Variants in SPTLC3 observed in about 807,000 individuals in gnomAD.
SPTLC3 encodes serine palmitoyltransferase 3.
Under a neutral mutation model 59.3 loss-of-function variants are expected in SPTLC3, and 36 were observed. That is an observed-to-expected ratio of 0.61 (90% confidence interval 0.47 to 0.80). The LOEUF (loss-of-function observed/expected upper bound fraction) is 0.80. Among genes scored for constraint, SPTLC3 ranks in the 30% least tolerant of loss-of-function variants. The pLI is 0.00. For missense variants in SPTLC3, 625 were observed against 685.1 expected, an observed-to-expected ratio of 0.91 and a Z score of 0.98; for synonymous variants, 257 against 240.8, an observed-to-expected ratio of 1.07 and a Z score of -0.62.
rs113780537 is a variant in SPTLC3 at position 13,056,721 on chromosome 20, G to A, written c.303+7591G>A. Among the ~76,000 whole-genome samples the A allele has an allele frequency of 8.8e-5, 13 of 147,864 alleles. No homozygotes were observed. In the South Asian group the frequency reaches 1.7e-3, roughly 20 times the overall value. On this transcript the variant is annotated intron_variant, in intron 2 of 11. Transcript: ENST00000399002. ...CACTTTGGCCTCCCAAAGTGCCACC[G>A]CACCCAGCCCATCCTTAATCTTTTT...
At position 13,084,286 on chromosome 20, in the gene SPTLC3, A is replaced by G. The variant is rs75760751; in HGVS notation, c.608-6797A>G. Among the ~76,000 whole-genome samples, 1,213 of 152,332 alleles carry G rather than the reference A, an allele frequency of 8.0e-3. 12 individuals are homozygous for G. The highest frequency in any genetic ancestry group is 0.027 in the African/African-American group (1,133 of 41,576). ...TTTTAAGGAGAACGTGCATACATTA[A>G]TATTTCAATAAATTGTCCTATGATG... On this transcript the variant is annotated intron_variant, in intron 4 of 11. Transcript: ENST00000399002.
At chr20:13,029,241 A>G (rs895680530) in intron 1 of SPTLC3, among the ~76,000 whole-genome samples, 2 of 152,202 alleles carry the variant, frequency 1.3e-5, no homozygotes, top group Non-Finnish European at 2.9e-5. Flanking sequence ...GACTGAGTAT[A>G]GTACTCAGAA....
At chr20:13,042,087 A>G (rs929079744) in intron 1 of SPTLC3, among the ~76,000 whole-genome samples, 1 of 152,212 alleles carries the variant, frequency 6.6e-6, no homozygotes, top group Non-Finnish European at 1.5e-5. Context: ...TGGTATGTTT[A>G]GCCTTTGAGG....
At chr20:13,152,593 C>T (rs2038673875) in intron 9 of SPTLC3, among the ~76,000 whole-genome samples, 1 of 152,146 alleles carries the variant, frequency 6.6e-6, no homozygotes, top group South Asian at 2.1e-4. Context: ...GATAATTATC[C>T]CATGCTTAGA....
chr20:13,159,357 G>T (rs964894957), intron 10 of SPTLC3, among the ~76,000 whole-genome samples: 13 of 152,146 alleles, frequency 8.5e-5, no homozygotes, highest in East Asian at 3.9e-4. Flanking sequence ...TTATCCCTGT[G>T]CATCCCTGGG....
At chr20:13,092,092 G>A (rs1989242363) in intron 5 of SPTLC3, among the ~76,000 whole-genome samples, 1 of 152,190 alleles carries the variant, frequency 6.6e-6, no homozygotes, top group Non-Finnish European at 1.5e-5. Flanking sequence ...GAGAAAGTCT[G>A]CAATGTCTGT....
At chr20:13,069,037 T>C (rs1304878850) in intron 2 of SPTLC3, among the ~76,000 whole-genome samples, 1 of 152,204 alleles carries the variant, frequency 6.6e-6, no homozygotes, top group African/African-American at 2.4e-5. Context: ...TAGGTGGCCA[T>C]GACAATGCAT....
intron 1 of SPTLC3, among the ~76,000 whole-genome samples, chr20:13,039,241 A>G (rs576032762): frequency 2.1e-4 from 32 of 149,500 alleles, no homozygotes; most frequent in Admixed American, 1.9e-3. Context: ...TAATATTATT[A>G]TGAAATTTTC....
chr20:13,066,650 T>C (rs1988223083), intron 2 of SPTLC3, among the ~76,000 whole-genome samples: 1 of 152,220 alleles, frequency 6.6e-6, no homozygotes, highest in African/African-American at 2.4e-5. Flanking sequence ...TTCTGTGAAG[T>C]GTGAAACTTT....
intron 5 of SPTLC3, among the ~76,000 whole-genome samples, chr20:13,092,519 T>C (rs1415418319): frequency 6.6e-6 from 1 of 152,226 alleles, no homozygotes; most frequent in East Asian, 1.9e-4. Context: ...ATTTGAACTG[T>C]CTATCAAATG....
chr20:13,012,369 G>T (rs1460100716), intron 1 of SPTLC3, among the ~76,000 whole-genome samples: 1 of 152,152 alleles, frequency 6.6e-6, no homozygotes, highest in South Asian at 2.1e-4. Context: ...CTAACAGGTG[G>T]TTGCTTTTTT....
intron 2 of SPTLC3, among the ~76,000 whole-genome samples, chr20:13,055,890 C>T (rs1359556862): frequency 3.3e-5 from 5 of 152,000 alleles, no homozygotes; most frequent in African/African-American, 1.2e-4. Flanking sequence ...ACGAATCCCA[C>T]AAGGAGTTCC....
chr20:13,155,431 A>C lies in SPTLC3; in HGVS notation c.1415+1293A>C, dbSNP rs188842584. On this transcript the variant is annotated intron_variant, in intron 10 of 11. Transcript: ENST00000399002. The stretch of plus-strand genomic sequence containing the variant: ...AAAAGAGGTTTGGGTCTTACTTGTG[A>C]AAACTCATGGAGGGCAAGACTGAGT... Among the ~76,000 whole-genome samples, 40 of 152,334 alleles carry C rather than the reference A, an allele frequency of 2.6e-4. No homozygotes were observed. In the East Asian group the frequency reaches 7.7e-3, roughly 29 times the overall value.
chr20:13,139,405 A>T, intron 9 of SPTLC3, among the ~76,000 whole-genome samples: 1 of 152,188 alleles, frequency 6.6e-6, no homozygotes, highest in East Asian at 1.9e-4. Context: ...ATTTTTTCCT[A>T]ACATAAAGTC....
chr20:13,104,006 G>A (rs1989731749), intron 6 of SPTLC3, among the ~76,000 whole-genome samples: 1 of 152,166 alleles, frequency 6.6e-6, no homozygotes. Context: ...GCTATTATTA[G>A]GGTTTTGAAT....
At chr20:13,112,185 G>T (rs1307710641) in intron 7 of SPTLC3, among the ~76,000 whole-genome samples, 1 of 152,220 alleles carries the variant, frequency 6.6e-6, no homozygotes, top group Non-Finnish European at 1.5e-5. Flanking sequence ...ACATGGCATT[G>T]GTTGGAGGCC....
At chr20:13,164,130 T>C (rs2038950365) in intron 11 of SPTLC3, among the ~76,000 whole-genome samples, 1 of 152,258 alleles carries the variant, frequency 6.6e-6, no homozygotes, top group East Asian at 1.9e-4. Context: ...AAATGACCTT[T>C]TTTTACTTCC....
chr20:13,162,269 T>C (rs976855949), intron 11 of SPTLC3, among the ~76,000 whole-genome samples: 1 of 152,190 alleles, frequency 6.6e-6, no homozygotes, highest in Non-Finnish European at 1.5e-5. Flanking sequence ...GCAAGTTCCC[T>C]GAGATGGCAG....
intron 1 of SPTLC3, 60 bp from the exon 2 acceptor site, chr20:13,048,885 G>A (rs1368440709): frequency 1.4e-6 from 2 of 1,394,772 alleles, no homozygotes; most frequent in African/African-American, 1.5e-5. Flanking sequence ...ACAATTTTAG[G>A]TATCATAGTA....
Sources: allele counts gnomAD v4.1 joint callset (sites outside exome capture counted in the v4.1 genomes callset), GRCh38; gene constraint gnomAD v4.1.1; transcripts MANE v1.5; gene names NCBI Gene and HGNC (gene_info 2026-07-23, HGNC 2026-07-21).